ADSS2: variants seen among roughly 807,000 people sequenced by gnomAD.
The protein encoded by ADSS2 is adenylosuccinate synthetase isozyme 2.
ADSS2 carries 30 observed loss-of-function variants against 60.0 expected under a neutral mutation model. The ratio of observed to expected loss-of-function variants is 0.50; its 90% CI spans 0.37 to 0.68. The LOEUF is 0.68. ADSS2 is among the 30% of genes least tolerant of loss of function. The pLI, the probability that ADSS2 is intolerant of heterozygous loss-of-function variation, is 0.00. For synonymous variants in ADSS2, 187 were observed against 193.1 expected (o/e 0.97, Z 0.26); for missense variants, 373 against 554.8 (o/e 0.67, Z 3.29).
rs374831667 is a variant in ADSS2 at position 244,422,451 on chromosome 1, T to G, written c.663+384A>C. Among the ~76,000 whole-genome samples the G allele has an allele frequency of 1.8e-3, 273 of 152,336 alleles. 7 individuals carry two copies. The South Asian group carries it at 0.056, about 31-fold the overall frequency. On this transcript the variant is annotated intron_variant, in intron 7 of 12. Coordinates refer to ENST00000366535, the MANE Select transcript of ADSS2 (RefSeq NM_001126.5). ...GGTTATCCTTCCTAAATGGGTTGGT[T>G]AGCCTCAAAAGTTCTCACTCAGCCT...
Position 244,451,866 on chromosome 1 carries a change from G to A in ADSS2, c.-49C>T. 2 of 1,496,310 alleles carry A rather than the reference G, an allele frequency of 1.3e-6. No individual in the cohort carries two copies. The highest frequency in any genetic ancestry group is 1.8e-6 in the Non-Finnish European group (2 of 1,123,804). The allele number at this position is 1,496,310 out of a possible 1,614,324, so 92.7% of individuals were successfully genotyped here. ...CCGAAGGAGAGGCGGCCGGCGAGGAGTGAGCGAACTGAACTGCTCTGCGGC... is the reference window on the plus strand; with the variant it reads ...CCGAAGGAGAGGCGGCCGGCGAGGAATGAGCGAACTGAACTGCTCTGCGGC... On this transcript the variant is annotated 5_prime_UTR_variant, in exon 1 of 13. Transcript: ENST00000366535. This position sits in a 1 kb window ranked among gnomAD's most constrained non-coding sequence, Gnocchi z 6.6.
chr1:244,443,094 A>T (rs1249094416), intron 1 of ADSS2, among the ~76,000 whole-genome samples: 1 of 152,216 alleles, frequency 6.6e-6, no homozygotes, highest in Non-Finnish European at 1.5e-5. Context: ...TTGATTCATC[A>T]TGTTTCATGA....
chr1:244,422,273 G>A (rs1664695440), intron 7 of ADSS2, among the ~76,000 whole-genome samples: 1 of 152,168 alleles, frequency 6.6e-6, no homozygotes, highest in Admixed American at 6.5e-5. Flanking sequence ...ATCAAAAATC[G>A]TAAAAGGTGA....
chr1:244,419,667 C>T (rs949936415), intron 8 of ADSS2, among the ~76,000 whole-genome samples: 5 of 152,106 alleles, frequency 3.3e-5, no homozygotes, highest in Non-Finnish European at 7.4e-5. Context: ...AAACGGTCAA[C>T]AAACTAATGA....
At chr1:244,438,495 G>A (rs892753629) in intron 1 of ADSS2, among the ~76,000 whole-genome samples, 7 of 152,166 alleles carry the variant, frequency 4.6e-5, no homozygotes, top group Non-Finnish European at 7.4e-5. Flanking sequence ...ATTACAAAAA[G>A]TAGGTACAAA....
chr1:244,408,836 A>G lies in ADSS2; in HGVS notation c.*750T>C, dbSNP rs1170047850. 6.6e-6 allele frequency: 1 copy of G among 152,302 alleles called. No homozygotes were observed. The highest frequency in any genetic ancestry group is 1.5e-5 in the Non-Finnish European group (1 of 68,022). The allele number at this position is 152,302 out of a possible 1,614,324, so 9.4% of individuals were successfully genotyped here. A position where few individuals can be genotyped will look rare whatever the true frequency, so the allele number is the denominator to read the frequency against. On this transcript the variant is annotated 3_prime_UTR_variant, in exon 13 of 13. Coordinates refer to ENST00000366535, the MANE Select transcript of ADSS2 (RefSeq NM_001126.5). ...AGGTAATGTTTGAAATTAAAGAAAA[A>G]TATCCACCATATATTACAACAGATC... is the stretch of plus-strand genomic sequence containing the variant.
intron 7 of ADSS2, among the ~76,000 whole-genome samples, chr1:244,421,157 C>T (rs1664667884): frequency 6.6e-6 from 1 of 152,048 alleles, no homozygotes; most frequent in African/African-American, 2.4e-5. Context: ...TACACTATTA[C>T]TAGTAGATAA....
chr1:244,447,295 T>C (rs542721162), intron 1 of ADSS2, among the ~76,000 whole-genome samples: 4 of 152,330 alleles, frequency 2.6e-5, no homozygotes, highest in Admixed American at 6.5e-5. Flanking sequence ...TATCAATTTA[T>C]TGGTTCATTC....
intron 1 of ADSS2, 60 bp from the exon 2 acceptor site, chr1:244,437,828 C>T: frequency 2.4e-6 from 3 of 1,267,102 alleles, no homozygotes; most frequent in Non-Finnish European, 3.5e-6. Flanking sequence ...TAACCTATCT[C>T]CCTCCAAAGT....
intron 4 of ADSS2, among the ~76,000 whole-genome samples, chr1:244,431,055 G>C (rs1664931132): frequency 6.6e-6 from 1 of 151,980 alleles, no homozygotes; most frequent in Non-Finnish European, 1.5e-5. Flanking sequence ...GGAGGCAGAG[G>C]TTGCAGTGAG....
intron 8 of ADSS2, 95 bp downstream of exon 8, chr1:244,420,075 G>GTTTTAAAACAATGT: frequency 7.7e-7 from 1 of 1,300,370 alleles, no homozygotes; most frequent in Non-Finnish European, 1.0e-6. Flanking sequence ...TAAAAACATT[G>GTTTTAAAACAATGT]TTTTAAAACT....
At chr1:244,418,132 T>C (rs1360998435) in intron 9 of ADSS2, among the ~76,000 whole-genome samples, 3 of 152,206 alleles carry the variant, frequency 2.0e-5, no homozygotes, top group Admixed American at 1.3e-4. Context: ...ATTGATATCA[T>C]AATGCCCTTC....
intron 3 of ADSS2, 104 bp downstream of exon 3, chr1:244,436,721 C>A (rs574779742): frequency 2.0e-6 from 2 of 1,016,712 alleles, no homozygotes; most frequent in Non-Finnish European, 2.9e-6. Flanking sequence ...TATAATAGCC[C>A]GAAATTTTAA....
intron 1 of ADSS2, among the ~76,000 whole-genome samples, chr1:244,449,560 C>G (rs1346243409): frequency 6.6e-6 from 1 of 152,172 alleles, no homozygotes; most frequent in Admixed American, 6.5e-5. Flanking sequence ...TGCCAGCTTA[C>G]TAGGGCTAAC....
At chr1:244,423,870 G>A (rs1043876866) in intron 6 of ADSS2, 83 bp downstream of exon 6, 29 of 1,032,906 alleles carry the variant, frequency 2.8e-5, no homozygotes, top group African/African-American at 4.9e-5. Context: ...CTAGAATACC[G>A]ACTGTATCAT....
chr1:244,444,341 C>T (rs1665328720), intron 1 of ADSS2, among the ~76,000 whole-genome samples: 1 of 146,844 alleles, frequency 6.8e-6, no homozygotes, highest in South Asian at 2.1e-4. Context: ...CGGTGAAACC[C>T]CGTCTCTACT....
At chr1:244,417,949 CA>C (rs955837742) in intron 9 of ADSS2, among the ~76,000 whole-genome samples, 197 bp from the exon 10 acceptor site, 4 of 148,530 alleles carry the variant, frequency 2.7e-5, no homozygotes, top group African/African-American at 5.1e-5. Context: ...CATTTATTAT[CA>C]TTTTTTTATG....
At position 244,451,629 on chromosome 1, in the gene ADSS2, C is replaced by T. The variant is rs761230604; in HGVS notation, c.183+6G>A. On this transcript the variant is annotated splice_donor_region_variant and intron_variant, in intron 1 of 12. Transcript: ENST00000366535. The surrounding 1 kb of genome is among the most constrained non-coding windows in gnomAD (Gnocchi z 6.6). ...CGGCTTCCCATGAGAGGCCCCGTCGCCTCACCTGGCAGCGGCACACGATGT... is the reference window on the plus strand; with the variant it reads ...CGGCTTCCCATGAGAGGCCCCGTCGTCTCACCTGGCAGCGGCACACGATGT... 43 of 1,606,730 alleles carry T rather than the reference C, an allele frequency of 2.7e-5. No individual in the cohort carries two copies. The Admixed American group carries it at 2.7e-4, about 10-fold the overall frequency.
chr1:244,422,395 G>A (rs1664698731), intron 7 of ADSS2, among the ~76,000 whole-genome samples: 1 of 152,226 alleles, frequency 6.6e-6, no homozygotes, highest in Non-Finnish European at 1.5e-5. Flanking sequence ...TGTCTCTTAA[G>A]AGTGCAGTGC....
Sources: allele counts gnomAD v4.1 joint callset (sites outside exome capture counted in the v4.1 genomes callset), GRCh38; gene constraint gnomAD v4.1.1; non-coding constraint Gnocchi (gnomAD v3.1); transcripts MANE v1.5; gene names NCBI Gene and HGNC (gene_info 2026-07-23, HGNC 2026-07-21).